The following PRKD3 variants were observed in gnomAD, a reference collection of about 807,000 sequenced individuals.
PRKD3 encodes the protein protein kinase D3, also known as serine/threonine-protein kinase D3.
PRKD3 carries 47 observed loss-of-function variants against 99.2 expected under a neutral mutation model. The ratio of observed to expected loss-of-function variants is 0.47; its 90% CI spans 0.38 to 0.60. The LOEUF (loss-of-function observed/expected upper bound fraction) is 0.60. PRKD3 is among the 20% of genes least tolerant of loss of function. PRKD3 has a pLI of 0.00. For synonymous variants in PRKD3, 392 were observed against 355.4 expected (o/e 1.10, Z -1.16); for missense variants, 1,019 against 1,088.4 (o/e 0.94, Z 0.90).
At chr2:37,314,903 G>C (rs1471039713) in intron 2 of PRKD3, among the ~76,000 whole-genome samples, 2 of 152,114 alleles carry the variant, frequency 1.3e-5, no homozygotes, top group African/African-American at 4.8e-5. Flanking sequence ...CAGAAGTAAA[G>C]TTATTCTTAC....
intron 12 of PRKD3, among the ~76,000 whole-genome samples, chr2:37,271,736 A>G (rs1012456219): frequency 6.6e-6 from 1 of 152,208 alleles, no homozygotes; most frequent in Non-Finnish European, 1.5e-5. Context: ...GACACGGTTC[A>G]TTCCGAAACC....
chr2:37,261,470 G>C (rs925597977), intron 14 of PRKD3, among the ~76,000 whole-genome samples: 1 of 146,574 alleles, frequency 6.8e-6, no homozygotes, highest in South Asian at 2.2e-4. Context: ...CTGGGAGACA[G>C]AGCGAGACTT....
chr2:37,277,862 T>C lies in PRKD3; in HGVS notation c.1296+4A>G. ...AGCATATTCAAATGTATTTGATTAC[T>C]GACCAGGTTATCCCTGCTGGTGTAA... On this transcript the variant is annotated splice_donor_region_variant and intron_variant, in intron 9 of 18. Transcript: ENST00000234179. 6.2e-7 allele frequency: 1 copy of C among 1,611,294 alleles called. No individual in the cohort carries two copies. The highest frequency in any genetic ancestry group is 8.5e-7 in the Non-Finnish European group (1 of 1,179,020).
intron 5 of PRKD3, among the ~76,000 whole-genome samples, chr2:37,286,620 G>T (rs10181140): frequency 0.85 from 129,874 of 152,222 alleles, 55,977 homozygotes; most frequent in East Asian, 1. Flanking sequence ...ATTCACTGAT[G>T]ATTATTTGCC....
At chr2:37,321,496 A>G (rs986130768) in intron 1 of PRKD3, among the ~76,000 whole-genome samples, 20 of 152,114 alleles carry the variant, frequency 1.3e-4, no homozygotes, top group Non-Finnish European at 2.5e-4. Flanking sequence ...CCATGCACAC[A>G]TTATCTCATT....
intron 14 of PRKD3, among the ~76,000 whole-genome samples, chr2:37,265,179 C>T (rs184744998): frequency 2.6e-5 from 4 of 151,842 alleles, no homozygotes; most frequent in African/African-American, 7.3e-5. Flanking sequence ...AAGAATGACA[C>T]GGGGCAAAGA....
At position 37,286,242 on chromosome 2, in the gene PRKD3, G is replaced by A. The variant is rs145212721; in HGVS notation, c.845C>T (p.Pro282Leu). Residue 282 changes from proline to leucine, a missense_variant, in exon 6 of 19, where the codon CCC becomes CTC. Around this residue, in one of 3 missense-constraint regions of PRKD3, gnomAD observed 710 missense variants for 692.7 expected, o/e 1.02. Coordinates refer to ENST00000234179, the MANE Select transcript of PRKD3 (RefSeq NM_005813.6). ...HTFAVHSYTR[P>L]TICQYCKRLL... ...CCGCTTGCAGTACTGACATATCGTG[G>A]GACGGGTGTAAGAGTGAACAGCAAA... is the stretch of plus-strand genomic sequence containing the variant. 6.2e-7 allele frequency: 1 copy of A among 1,613,842 alleles called. No homozygotes were observed. Among genetic ancestry groups the A allele is most frequent in the Non-Finnish European group, 8.5e-7 (1 of 1,179,932 alleles).
At chr2:37,308,825 G>T (rs981515939) in intron 2 of PRKD3, among the ~76,000 whole-genome samples, 7 of 148,430 alleles carry the variant, frequency 4.7e-5, no homozygotes, top group Non-Finnish European at 1.0e-4. Context: ...TTTAAGCTCT[G>T]TTTTTTTTTT....
intron 16 of PRKD3, among the ~76,000 whole-genome samples, chr2:37,257,666 C>CAAAAAA (rs1491483662): frequency 3.2e-5 from 2 of 62,434 alleles, no homozygotes; most frequent in Non-Finnish European, 4.1e-5. Flanking sequence ...GACTCTGTCT[C>CAAAAAA]AAAAGAAAAA....
At chr2:37,288,775 G>A (rs1374584115) in intron 5 of PRKD3, among the ~76,000 whole-genome samples, 1 of 152,142 alleles carries the variant, frequency 6.6e-6, no homozygotes, top group East Asian at 1.9e-4. Context: ...ATACAGATCT[G>A]CAGATAGCAG....
At chr2:37,271,740 C>T (rs1468744362) in intron 12 of PRKD3, among the ~76,000 whole-genome samples, 1 of 152,132 alleles carries the variant, frequency 6.6e-6, no homozygotes. Context: ...CGGTTCATTC[C>T]GAAACCATCT....
intron 3 of PRKD3, among the ~76,000 whole-genome samples, chr2:37,291,304 T>A (rs9309004): frequency 0.33 from 49,774 of 152,106 alleles, 8,980 homozygotes; most frequent in East Asian, 0.44. Flanking sequence ...AAAAACTGCT[T>A]AACTTACACA....
chr2:37,295,857 T>C (rs1303712822), intron 2 of PRKD3, among the ~76,000 whole-genome samples: 1 of 152,198 alleles, frequency 6.6e-6, no homozygotes, highest in Non-Finnish European at 1.5e-5. Flanking sequence ...GACAGCATTG[T>C]GTAGAGGAAC....
At chr2:37,277,754 GT>G in intron 9 of PRKD3, 111 bp downstream of exon 9, 1 of 1,109,430 alleles carries the variant, frequency 9.0e-7, no homozygotes. Context: ...AATTGCTGTG[GT>G]GTATATAATG....
In PRKD3 at chr2:37,252,155, A is replaced by G. The variant is rs1667551674; in HGVS notation, c.*1022T>C. 1 of 152,190 alleles carries G rather than the reference A, an allele frequency of 6.6e-6. No homozygotes were observed. Among genetic ancestry groups the G allele is most frequent in the South Asian group, 2.1e-4 (1 of 4,832 alleles). The allele number at this position is 152,190 out of a possible 1,614,324, so 9.4% of individuals were successfully genotyped here. On this transcript the variant is annotated 3_prime_UTR_variant, in exon 19 of 19. Transcript: ENST00000234179. ...AATAATTGACTTTAAAACACTCCAGATATCTGCAAAGCCCAATAGGCTAGG... is the reference window on the plus strand; with the variant it reads ...AATAATTGACTTTAAAACACTCCAGGTATCTGCAAAGCCCAATAGGCTAGG...
At chr2:37,283,509 C>A (rs1669949585) in intron 6 of PRKD3, among the ~76,000 whole-genome samples, 1 of 152,106 alleles carries the variant, frequency 6.6e-6, no homozygotes, top group South Asian at 2.1e-4. Flanking sequence ...ATGACATAAG[C>A]CCCATGAAAT....
chr2:37,256,725 C>T lies in PRKD3; in HGVS notation c.2350G>A (p.Asp784Asn). The T allele has an allele frequency of 6.4e-7, 1 of 1,559,966 alleles. No individual in the cohort carries two copies. The highest frequency in any genetic ancestry group is 8.7e-7 in the Non-Finnish European group (1 of 1,153,280). The change falls in exon 17 of 19, where the codon GAC (aspartate) becomes AAC (asparagine). Residue 784 changes from aspartate to asparagine, a missense_variant. Coordinates refer to ENST00000234179, the MANE Select transcript of PRKD3 (RefSeq NM_005813.6). ...ATAAATGCAGCATTTTGGATTTGGT[C>T]ATTTATATCTTCATCCTCATTAAAA... Reference protein sequence around the residue: ...FPFNEDEDINDQIQNAAFMYP... With the variant: ...FPFNEDEDINNQIQNAAFMYP...
intron 2 of PRKD3, among the ~76,000 whole-genome samples, chr2:37,296,605 CG>C (rs1339041855): frequency 6.6e-6 from 1 of 151,782 alleles, no homozygotes; most frequent in African/African-American, 2.4e-5. Flanking sequence ...TTAGAAATTA[CG>C]TAAGAGTCAG....
At chr2:37,312,675 T>C (rs566030537) in intron 2 of PRKD3, among the ~76,000 whole-genome samples, 1 of 152,350 alleles carries the variant, frequency 6.6e-6, no homozygotes, top group African/African-American at 2.4e-5. Flanking sequence ...ATAGAGTAAC[T>C]ACACGTGTTC....
Sources: allele counts gnomAD v4.1 joint callset (sites outside exome capture counted in the v4.1 genomes callset), GRCh38; gene constraint gnomAD v4.1.1; regional missense constraint gnomAD v4.1.1; transcripts MANE v1.5; gene names NCBI Gene and HGNC (gene_info 2026-07-23, HGNC 2026-07-21).